PTPRD: variants seen among roughly 807,000 people sequenced by gnomAD.
PTPRD encodes the protein receptor-type tyrosine-protein phosphatase delta.
Under a neutral mutation model 214.5 loss-of-function variants are expected in PTPRD, and 34 were observed. The observed-to-expected ratio is 0.16, with a 90% confidence interval of 0.12 to 0.21. The LOEUF is 0.21. PTPRD is among the 10% of genes least tolerant of loss of function. The probability of loss-of-function intolerance (pLI) is 1.00; values close to 1 mark genes in which losing one functional copy is unlikely to be tolerated. For missense variants in PTPRD, 2,545 were observed against 2,398.7 expected (o/e 1.06, Z -1.27); for synonymous variants, 1,128 against 845.7 (o/e 1.33, Z -5.79).
chr9:9,009,218 A>T (rs1282537415), intron 11 of PTPRD, among the ~76,000 whole-genome samples: 1 of 152,116 alleles, frequency 6.6e-6, no homozygotes. Flanking sequence ...CACAGCATCA[A>T]AATCTTACCA....
Position 8,390,869 on chromosome 9 carries a change from G to C in PTPRD, c.4211-1462C>G, listed in dbSNP as rs1291024187. 2.0e-5 allele frequency among the ~76,000 whole-genome samples: 3 copies of C among 152,126 alleles called. No homozygotes were observed. In the East Asian group the frequency reaches 5.8e-4, roughly 29 times the overall value. ...AAGAGCTGCCTGTGAGAAGAAGAGA[G>C]GTTTAGATTTACTCTGTTGAGTTCC... On this transcript the variant is annotated intron_variant, in intron 36 of 45. Coordinates refer to ENST00000381196, the MANE Select transcript of PTPRD (RefSeq NM_002839.4).
At chr9:8,939,748 C>G (rs1394114909) in intron 11 of PTPRD, among the ~76,000 whole-genome samples, 2 of 152,088 alleles carry the variant, frequency 1.3e-5, no homozygotes, top group Admixed American at 1.3e-4. Context: ...AAGTGTTAAA[C>G]TATTTGAACA....
chr9:9,106,371 A>G (rs2099798545), intron 10 of PTPRD, among the ~76,000 whole-genome samples: 1 of 151,942 alleles, frequency 6.6e-6, no homozygotes, highest in South Asian at 2.1e-4. Context: ...TATAAATATT[A>G]ATACTTAATA....
chr9:10,049,436 A>AAAC (rs1350772464), intron 3 of PTPRD, among the ~76,000 whole-genome samples: 1 of 131,814 alleles, frequency 7.6e-6, no homozygotes, highest in Non-Finnish European at 1.6e-5. Flanking sequence ...AGAAAGAAAG[A>AAAC]AAAGAAAAAA....
intron 2 of PTPRD, among the ~76,000 whole-genome samples, chr9:10,371,270 C>G (rs1037827458): frequency 6.6e-6 from 1 of 152,040 alleles, no homozygotes; most frequent in East Asian, 1.9e-4. Flanking sequence ...GTCTTCCATG[C>G]AACCAATATA....
At chr9:9,412,931 A>T (rs943450257) in intron 8 of PTPRD, among the ~76,000 whole-genome samples, 2 of 152,048 alleles carry the variant, frequency 1.3e-5, no homozygotes, top group African/African-American at 4.8e-5. Context: ...ATTTCAGAGG[A>T]AAGATCAATG....
intron 7 of PTPRD, among the ~76,000 whole-genome samples, chr9:9,660,049 T>A (rs1410591387): frequency 6.6e-6 from 1 of 152,072 alleles, no homozygotes; most frequent in Non-Finnish European, 1.5e-5. Context: ...TTTAACATAC[T>A]TTATTTAAAT....
At chr9:9,002,858 A>G (rs898415667) in intron 11 of PTPRD, among the ~76,000 whole-genome samples, 9 of 152,206 alleles carry the variant, frequency 5.9e-5, no homozygotes, top group Admixed American at 2.0e-4. Flanking sequence ...CAATGTACCA[A>G]CGCTTCCTTG....
chr9:9,789,272 C>T (rs1016295145), intron 5 of PTPRD, among the ~76,000 whole-genome samples: 10 of 152,136 alleles, frequency 6.6e-5, no homozygotes, highest in African/African-American at 2.4e-4. Context: ...CATCATCAAG[C>T]GGAATGCCTT....
chr9:10,039,179 G>A (rs2097250899), intron 3 of PTPRD, among the ~76,000 whole-genome samples: 1 of 151,942 alleles, frequency 6.6e-6, no homozygotes, highest in South Asian at 2.1e-4. Flanking sequence ...TTGAATTCCT[G>A]AAAAACTTGA....
At chr9:9,805,236 G>C (rs1282163971) in intron 5 of PTPRD, among the ~76,000 whole-genome samples, 1 of 152,136 alleles carries the variant, frequency 6.6e-6, no homozygotes, top group East Asian at 1.9e-4. Context: ...CAATGACCTA[G>C]TAGTATGAGA....
intron 14 of PTPRD, among the ~76,000 whole-genome samples, chr9:8,610,060 G>A (rs1479943501): frequency 6.6e-6 from 1 of 152,112 alleles, no homozygotes. Flanking sequence ...GAGATTAAAT[G>A]GGCTAACCTG....
intron 3 of PTPRD, among the ~76,000 whole-genome samples, chr9:10,318,484 A>G (rs1048886529): frequency 1.3e-5 from 2 of 152,028 alleles, no homozygotes; most frequent in East Asian, 3.9e-4. Context: ...CCTCTTAGTC[A>G]GCAAAGTAAT....
intron 11 of PTPRD, among the ~76,000 whole-genome samples, chr9:9,004,972 G>A (rs752722779): frequency 6.6e-5 from 10 of 152,088 alleles, no homozygotes; most frequent in South Asian, 2.1e-4. Flanking sequence ...TGCATTATCC[G>A]CCAGGTGTTA....
intron 3 of PTPRD, among the ~76,000 whole-genome samples, chr9:10,169,891 AAATATT>A (rs2099189826): frequency 6.6e-6 from 1 of 152,222 alleles, no homozygotes; most frequent in East Asian, 1.9e-4. Flanking sequence ...AAGTGGGTCA[AAATATT>A]AGATTTAGTT....
chr9:9,983,142 C>T (rs748726325), intron 4 of PTPRD, among the ~76,000 whole-genome samples: 13 of 151,712 alleles, frequency 8.6e-5, no homozygotes, highest in African/African-American at 1.7e-4. Flanking sequence ...TCAAATGTAC[C>T]GATGCTAGAC....
At chr9:8,839,185 G>A (rs1403556108) in intron 11 of PTPRD, among the ~76,000 whole-genome samples, 4 of 151,524 alleles carry the variant, frequency 2.6e-5, no homozygotes, top group South Asian at 2.1e-4. Flanking sequence ...CAAACATAAG[G>A]GAAAAATTAT....
At chr9:9,718,582 C>T (rs995222921) in intron 7 of PTPRD, among the ~76,000 whole-genome samples, 1 of 152,200 alleles carries the variant, frequency 6.6e-6, no homozygotes, top group African/African-American at 2.4e-5. Flanking sequence ...AGCCCCCTTC[C>T]CCTGCAGGCT....
chr9:9,245,172 CTT>C (rs548195986), intron 9 of PTPRD, among the ~76,000 whole-genome samples: 209 of 152,224 alleles, frequency 1.4e-3, no homozygotes, highest in African/African-American at 4.8e-3. Context: ...AATAGGAACA[CTT>C]TTACACTGTT....
Sources: gnomAD v4.1 joint callset for allele counts (sites outside exome capture counted in the v4.1 genomes callset) on GRCh38, gnomAD v4.1.1 for gene constraint, MANE v1.5 for transcripts, NCBI Gene and HGNC (gene_info 2026-07-23, HGNC 2026-07-21) for gene names.